MAP7: variants seen among roughly 807,000 people sequenced by gnomAD.
The protein encoded by MAP7 is microtubule associated protein 7, also known as ensconsin.
A neutral mutation model predicts 94.8 loss-of-function variants in MAP7; 52 were observed. The observed-to-expected ratio is 0.55, with a 90% CI of 0.44 to 0.69. The LOEUF is 0.69. MAP7 is among the 30% of genes least tolerant of loss of function. The pLI is 0.00. For missense variants in MAP7, 940 were observed against 964.6 expected (o/e 0.97, Z 0.34); for synonymous variants, 350 against 357.0 (o/e 0.98, Z 0.22).
intron 16 of MAP7, among the ~76,000 whole-genome samples, chr6:136,354,430 G>A (rs979072657): frequency 1.4e-5 from 2 of 140,730 alleles, no homozygotes; most frequent in Non-Finnish European, 3.0e-5. Context: ...AATATATATA[G>A]TAGATATATA....
At chr6:136,520,739 G>T (rs1826166065) in intron 1 of MAP7, among the ~76,000 whole-genome samples, 1 of 152,200 alleles carries the variant, frequency 6.6e-6, no homozygotes, top group African/African-American at 2.4e-5. Flanking sequence ...TACAGAGTAA[G>T]TCAGAGTTAT....
At chr6:136,423,792 T>TG (rs777571040) in intron 1 of MAP7, among the ~76,000 whole-genome samples, 15 of 134,550 alleles carry the variant, frequency 1.1e-4, no homozygotes, top group East Asian at 4.7e-4. Flanking sequence ...GTTTTTTTTT[T>TG]TTGTTTTTTT....
chr6:136,455,747 A>G (rs190372639), intron 1 of MAP7, among the ~76,000 whole-genome samples: 56 of 152,346 alleles, frequency 3.7e-4, no homozygotes, highest in Non-Finnish European at 6.6e-4. Flanking sequence ...TGTTACCCCA[A>G]ATAATCTTTA....
intron 5 of MAP7, 51 bp downstream of exon 5, chr6:136,388,342 C>T (rs756192945): frequency 3.7e-6 from 5 of 1,345,848 alleles, no homozygotes; most frequent in Admixed American, 1.8e-5. Context: ...AGGAAACACC[C>T]TGTTACTTTC....
Position 136,389,486 on chromosome 6 carries a change from TTC to T in MAP7, c.274_275del (p.Glu92ArgfsTer41), listed in dbSNP as rs1780088694. 1 of 1,610,930 alleles carries T rather than the reference TTC, an allele frequency of 6.2e-7. No individual in the cohort carries two copies. Among genetic ancestry groups the T allele is most frequent in the African/African-American group, 1.3e-5 (1 of 74,592 alleles). On this transcript the variant is annotated frameshift_variant, in exon 4 of 18. Coordinates refer to ENST00000354570, the MANE Select transcript of MAP7 (RefSeq NM_003980.6). LOFTEE classifies it high-confidence loss of function. Reference sequence around the variant, plus strand: ...TCTCGTAGTGCTGCCTGGCTCGCTCTTCTCTTTCTAACCACACTATTTCTCTT... The same window carrying T: ...TCTCGTAGTGCTGCCTGGCTCGCTCTTCTTTCTAACCACACTATTTCTCTT... The part of the protein sequence containing the change: ...AAREIVWLER[E>X]ERARQHYEKH...
intron 17 of MAP7, among the ~76,000 whole-genome samples, chr6:136,345,164 G>A (rs887917006): frequency 2.0e-5 from 3 of 152,154 alleles, no homozygotes; most frequent in Admixed American, 1.3e-4. Flanking sequence ...TTGATATTAT[G>A]TCTTCTTTCT....
chr6:136,539,267 C>G (rs554888595), intron 1 of MAP7, among the ~76,000 whole-genome samples: 4 of 152,106 alleles, frequency 2.6e-5, no homozygotes, highest in African/African-American at 9.7e-5. Context: ...AAGGAAGACA[C>G]TGAGGAAGAG....
intron 1 of MAP7, among the ~76,000 whole-genome samples, chr6:136,532,460 C>T (rs1199848888): frequency 6.6e-6 from 1 of 152,048 alleles, no homozygotes; most frequent in Non-Finnish European, 1.5e-5. Context: ...AGAATTTACA[C>T]TTTTAGTGGA....
chr6:136,393,898 C>G (rs1322604064), intron 3 of MAP7, among the ~76,000 whole-genome samples: 1 of 151,198 alleles, frequency 6.6e-6, no homozygotes, highest in African/African-American at 2.4e-5. Flanking sequence ...GTCTCAGCCC[C>G]CTGAGTGCTG....
chr6:136,475,865 T>G (rs955208330), intron 1 of MAP7: 3 of 152,188 alleles, frequency 2.0e-5, no homozygotes, highest in African/African-American at 7.2e-5. Flanking sequence ...AAGATCCTCC[T>G]TGCGCATGTG....
chr6:136,397,773 A>T (rs1405757281), intron 3 of MAP7, among the ~76,000 whole-genome samples: 1 of 152,154 alleles, frequency 6.6e-6, no homozygotes, highest in African/African-American at 2.4e-5. Context: ...TACCCAGTCT[A>T]TGGTATTTTG....
intron 5 of MAP7, 80 bp downstream of exon 5, chr6:136,388,313 C>A: frequency 9.5e-7 from 1 of 1,057,130 alleles, no homozygotes; most frequent in Admixed American, 2.2e-5. Context: ...GTTTCGCAAA[C>A]ATAGATTTAG....
chr6:136,408,521 G>A (rs192292365), intron 3 of MAP7, among the ~76,000 whole-genome samples: 3 of 152,038 alleles, frequency 2.0e-5, no homozygotes, highest in African/African-American at 4.8e-5. Flanking sequence ...AAAATACGTG[G>A]ATTAAAACAA....
At chr6:136,546,737 T>A (rs1264014101) in intron 1 of MAP7, among the ~76,000 whole-genome samples, 1 of 152,220 alleles carries the variant, frequency 6.6e-6, no homozygotes, top group East Asian at 1.9e-4. Flanking sequence ...CATTTCTTAT[T>A]CTAAGCCTCA....
intron 3 of MAP7, among the ~76,000 whole-genome samples, chr6:136,410,188 T>C (rs1222575157): frequency 6.6e-6 from 1 of 152,172 alleles, no homozygotes; most frequent in Admixed American, 6.5e-5. Context: ...TCCCGACCTA[T>C]GGAACTCCTT....
chr6:136,438,160 A>G (rs1019098797), intron 1 of MAP7, among the ~76,000 whole-genome samples: 4 of 152,246 alleles, frequency 2.6e-5, no homozygotes, highest in Admixed American at 1.3e-4. Flanking sequence ...TCAAAGGAAA[A>G]TAAGACAGAA....
At chr6:136,467,115 C>T (rs968516335) in intron 1 of MAP7, among the ~76,000 whole-genome samples, 9 of 152,300 alleles carry the variant, frequency 5.9e-5, no homozygotes, top group Non-Finnish European at 1.2e-4. Context: ...GGTTGCTAAA[C>T]ATCAGCTCGG....
intron 1 of MAP7, among the ~76,000 whole-genome samples, chr6:136,543,256 C>T (rs1057006262): frequency 6.6e-6 from 1 of 152,232 alleles, no homozygotes; most frequent in African/African-American, 2.4e-5. Flanking sequence ...TGGCAAACTA[C>T]TTCATCAAGA....
chr6:136,406,334 A>G (rs1411905811), intron 3 of MAP7, among the ~76,000 whole-genome samples: 1 of 152,184 alleles, frequency 6.6e-6, no homozygotes, highest in Non-Finnish European at 1.5e-5. Flanking sequence ...GCATCTTATG[A>G]ATACATCTAT....
Sources: gnomAD v4.1 joint callset for allele counts (sites outside exome capture counted in the v4.1 genomes callset) on GRCh38, gnomAD v4.1.1 for gene constraint, MANE v1.5 for transcripts, NCBI Gene and HGNC (gene_info 2026-07-23, HGNC 2026-07-21) for gene names.